Variants in C2 observed in about 807,000 individuals in gnomAD.
C2 encodes C3/C5 convertase.
In C2, 64 loss-of-function variants were observed where a neutral mutation model predicts 85.2. The observed-to-expected ratio is 0.75, with a 90% CI of 0.61 to 0.92. The LOEUF is 0.92. Ranked by LOEUF, C2 falls within the 40% of genes least tolerant of loss-of-function variation. C2 has a pLI of 0.00. For missense variants in C2, 820 were observed against 971.6 expected (o/e 0.84, Z 2.07); for synonymous variants, 311 against 370.8 (o/e 0.84, Z 1.85).
Position 31,944,190 on chromosome 6 carries a change from G to A in C2, c.1866G>A (p.Gly622=). The A allele has an allele frequency of 6.2e-7, 1 of 1,612,632 alleles. No individual in the cohort carries two copies. Among genetic ancestry groups the A allele is most frequent in the Non-Finnish European group, 8.5e-7 (1 of 1,179,664 alleles). The change falls in exon 15 of 18, where the codon GGG becomes GGA. Residue 622 remains glycine, a synonymous_variant. Coordinates refer to ENST00000299367, the MANE Select transcript of C2 (RefSeq NM_000063.6). This position sits in a 1 kb window ranked among gnomAD's most constrained non-coding sequence, Gnocchi z 5.1. ...CTGCTCATTTTGTCGCCTTGAATGG[G>A]AGCAAACTGAACATTAACCTTAAGA... The part of the protein sequence containing the change: ...SVPAHFVALN[G]SKLNINLKMG...
intron 1 of C2, among the ~76,000 whole-genome samples, chr6:31,908,144 C>G (rs1767850766): frequency 6.7e-6 from 1 of 149,068 alleles, no homozygotes; most frequent in Non-Finnish European, 1.5e-5. Flanking sequence ...CAGCACCCGG[C>G]CATTTTTTTT....
Position 31,935,040 on chromosome 6 carries a change from T to C in C2, c.849+741T>C. On this transcript the variant is annotated intron_variant, in intron 6 of 17. Transcript: ENST00000299367. The surrounding 1 kb of genome is among the most constrained non-coding windows in gnomAD (Gnocchi z 4.3). ...ATAAATAAAATAAAATAAAATAAAA[T>C]AAAATATGTGTGATAGAAGTTTGGA... The C allele has an allele frequency of 2.2e-6, 2 of 907,544 alleles. No homozygotes were observed. The highest frequency in any genetic ancestry group is 1.3e-6 in the Non-Finnish European group (1 of 762,540). The allele number at this position is 907,544 out of a possible 1,614,324, so 56.2% of individuals were successfully genotyped here.
upstream of C2, chr6:31,899,578 C>G (rs574074157): frequency 5.0e-6 from 1 of 198,864 alleles, no homozygotes; most frequent in South Asian, 1.9e-4. Context: ...AGAACCTTCC[C>G]CTGGGCAGCC....
At chr6:31,900,843 G>A, upstream of C2, 1 of 1,611,760 alleles carries the variant, frequency 6.2e-7, no homozygotes, top group Non-Finnish European at 8.5e-7. This position sits in a 1 kb window ranked among gnomAD's most constrained non-coding sequence, Gnocchi z 9.7. Context: ...CTGGCTGGAG[G>A]GAGGAGGGAC....
At chr6:31,937,226 C>A in intron 7 of C2, 93 bp from the exon 8 acceptor site, 4 of 1,332,234 alleles carry the variant, frequency 3.0e-6, no homozygotes, top group East Asian at 2.3e-5. Context: ...AAAAAAATTG[C>A]ATTTCCAATA....
chr6:31,917,502 G>A (rs1768624002), upstream of C2, among the ~76,000 whole-genome samples: 1 of 152,014 alleles, frequency 6.6e-6, no homozygotes, highest in South Asian at 2.1e-4. Flanking sequence ...GGGAGGGAGT[G>A]TGGGTTAAAA....
chr6:31,899,699 A>C, upstream of C2: 1 of 533,060 alleles, frequency 1.9e-6, no homozygotes, highest in Non-Finnish European at 3.3e-6. Flanking sequence ...GGGACCCCGT[A>C]TTCCCCTGGC....
chr6:31,929,859 A>T (rs771473432), intron 3 of C2, among the ~76,000 whole-genome samples: 1 of 151,418 alleles, frequency 6.6e-6, no homozygotes, highest in Non-Finnish European at 1.5e-5. Context: ...CCTCGTCTAT[A>T]CTAAAAATAC....
At position 31,904,028 on chromosome 6, in the gene C2, C is replaced by A. The variant is rs1767555232; in HGVS notation, c.73+2889C>A. On this transcript the variant is annotated intron_variant, in intron 1 of 3. Coordinates refer to the C2 transcript ENST00000452202. This position sits in a 1 kb window ranked among gnomAD's most constrained non-coding sequence, Gnocchi z 4.4. The stretch of plus-strand genomic sequence containing the variant: ...TCAGAAGGCTGCCAGATTCGCAAAT[C>A]ATTAAAAAAATAAAATAAAAGCCCT... 6.6e-6 allele frequency among the ~76,000 whole-genome samples: 1 copy of A among 151,862 alleles called. No homozygotes were observed. The highest frequency in any genetic ancestry group is 2.1e-4 in the South Asian group (1 of 4,810).
chr6:31,928,985 G>A, intron 3 of C2, 68 bp downstream of exon 3: 3 of 1,425,578 alleles, frequency 2.1e-6, no homozygotes, highest in South Asian at 1.3e-5. Flanking sequence ...GGCCCAATGT[G>A]CATCCAGGAA....
At chr6:31,928,597 G>A in intron 2 of C2, 135 bp from the exon 3 acceptor site, 1 of 854,034 alleles carries the variant, frequency 1.2e-6, no homozygotes, top group Non-Finnish European at 1.9e-6. Flanking sequence ...TTCACATGTT[G>A]CAACCTAATA....
intron 3 of C2, among the ~76,000 whole-genome samples, chr6:31,933,155 T>C (rs1339919991): frequency 6.6e-6 from 1 of 152,014 alleles, no homozygotes; most frequent in Non-Finnish European, 1.5e-5. Flanking sequence ...GAGAGGGAGC[T>C]CTAGGAACAT....
At chr6:31,913,301 C>A (rs1768249691) in intron 1 of C2, among the ~76,000 whole-genome samples, 1 of 152,162 alleles carries the variant, frequency 6.6e-6, no homozygotes, top group Non-Finnish European at 1.5e-5. Flanking sequence ...CTTGGCTGGG[C>A]ACAGTGGCTC....
chr6:31,945,016 T>A lies in C2; in HGVS notation c.2066T>A (p.Phe689Tyr). 1 of 1,612,992 alleles carries A rather than the reference T, an allele frequency of 6.2e-7. No individual in the cohort carries two copies. Among genetic ancestry groups the A allele is most frequent in the African/African-American group, 1.3e-5 (1 of 75,010 alleles). ...GGAGCAGTTTTCCTTGAGCGGAGAT[T>A]CAGGTTTTTTCAGGTGAGAAGGTAG... is the stretch of plus-strand genomic sequence containing the variant. Reference protein sequence around the residue: ...SGGAVFLERRFRFFQVGLVSW... With the variant: ...SGGAVFLERRYRFFQVGLVSW... The change falls in exon 17 of 18, where the codon TTC becomes TAC. Residue 689 changes from phenylalanine to tyrosine, a missense_variant. Coordinates refer to ENST00000299367, the MANE Select transcript of C2 (RefSeq NM_000063.6). This position sits in a 1 kb window ranked among gnomAD's most constrained non-coding sequence, Gnocchi z 5.3.
At chr6:31,899,895 C>T, upstream of C2, 1 of 1,536,942 alleles carries the variant, frequency 6.5e-7, no homozygotes, top group South Asian at 1.2e-5. Flanking sequence ...AGCCCAGGGG[C>T]CCCAGCCTCC....
At chr6:31,910,167 C>T (rs1767999024) in intron 1 of C2, among the ~76,000 whole-genome samples, 1 of 151,790 alleles carries the variant, frequency 6.6e-6, no homozygotes, top group African/African-American at 2.4e-5. Context: ...ACGTGAGCCA[C>T]CGCGCCTGGC....
chr6:31,905,257 G>A (rs2151701229), intron 1 of C2, among the ~76,000 whole-genome samples: 1 of 151,966 alleles, frequency 6.6e-6, no homozygotes. Flanking sequence ...AACATAGCAA[G>A]ACCCCATCTC....
intron 9 of C2, among the ~76,000 whole-genome samples, chr6:31,940,420 GCTAA>G (rs534588642): frequency 2.0e-3 from 310 of 152,312 alleles, no homozygotes; most frequent in Admixed American, 4.2e-3. Flanking sequence ...AGCACAGCTG[GCTAA>G]CTAAGGCTTT....
chr6:31,901,291 C>G, intron 1 of C2: 4 of 1,611,628 alleles, frequency 2.5e-6, no homozygotes, highest in Non-Finnish European at 3.4e-6. Flanking sequence ...GCAGGACTTC[C>G]ACCCCAGAGG....
Sources: gnomAD v4.1 joint callset for allele counts (sites outside exome capture counted in the v4.1 genomes callset) on GRCh38, gnomAD v4.1.1 for gene constraint, Gnocchi (gnomAD v3.1) non-coding constraint, MANE v1.5 for transcripts, NCBI Gene and HGNC (gene_info 2026-07-23, HGNC 2026-07-21) for gene names.